The following TEKT5 variants were observed in gnomAD, a reference collection of about 807,000 sequenced individuals.
The protein encoded by TEKT5 is tektin-5.
TEKT5 carries 52 observed loss-of-function variants against 48.7 expected under a neutral mutation model. That is an observed-to-expected ratio of 1.07 (90% CI 0.86 to 1.35). The LOEUF (loss-of-function observed/expected upper bound fraction) is 1.35. Among genes scored for constraint, TEKT5 ranks in the 40% most tolerant of loss-of-function variants. The probability of loss-of-function intolerance (pLI) is 0.00; values close to 1 mark genes in which losing one functional copy is unlikely to be tolerated. For missense variants in TEKT5, 831 were observed against 641.6 expected (o/e 1.30, Z -3.19); for synonymous variants, 318 against 267.6 (o/e 1.19, Z -1.84).
chr16:10,679,177 A>T (rs1414104147), intron 4 of TEKT5, among the ~76,000 whole-genome samples: 1 of 152,118 alleles, frequency 6.6e-6, no homozygotes. Flanking sequence ...GCGCCCAAAA[A>T]ATGTTTATTA....
chr16:10,662,988 C>T (rs561664839), intron 5 of TEKT5, among the ~76,000 whole-genome samples: 14 of 152,282 alleles, frequency 9.2e-5, no homozygotes, highest in Non-Finnish European at 1.5e-4. Context: ...ATTATGATCA[C>T]CCACTCTCAC....
chr16:10,644,023 CAA>C (rs983440136), intron 5 of TEKT5, among the ~76,000 whole-genome samples: 1 of 152,168 alleles, frequency 6.6e-6, no homozygotes, highest in Non-Finnish European at 1.5e-5. Flanking sequence ...GACTGGGCAA[CAA>C]GAGCAAAACT....
intron 5 of TEKT5, among the ~76,000 whole-genome samples, chr16:10,660,550 A>C (rs1459832205): frequency 3.3e-5 from 5 of 151,890 alleles, no homozygotes; most frequent in Non-Finnish European, 7.4e-5. Flanking sequence ...GGAGACAGAG[A>C]CTGGCCAGGT....
At position 10,676,000 on chromosome 16, in the gene TEKT5, C is replaced by A; in HGVS notation, c.1045G>T (p.Val349Leu). ...NLAFNARISE[V>L]TDVKNKLQTQ... ...TGCAGCTTATTCTTCACATCCGTCA[C>A]CTCAGAGATGCGGGCGTTGAAGGCC... The change falls in exon 5 of 7, where the codon GTG (valine) becomes TTG (leucine). Residue 349 changes from valine (V) to leucine (L), a missense_variant. By Grantham distance (32) the Val-to-Leu change is conservative. Coordinates refer to ENST00000283025, the MANE Select transcript of TEKT5 (RefSeq NM_144674.2). 1 of 1,614,208 alleles carries A rather than the reference C, an allele frequency of 6.2e-7. No homozygotes were observed. The highest frequency in any genetic ancestry group is 8.5e-7 in the Non-Finnish European group (1 of 1,180,022).
At chr16:10,636,868 G>T (rs921728940) in intron 5 of TEKT5, among the ~76,000 whole-genome samples, 1 of 150,660 alleles carries the variant, frequency 6.6e-6, no homozygotes, top group East Asian at 1.9e-4. Context: ...CCAGGCTGGA[G>T]TGCAGTGCTG....
intron 5 of TEKT5, among the ~76,000 whole-genome samples, chr16:10,646,698 C>T (rs1320564698): frequency 6.6e-6 from 1 of 152,168 alleles, no homozygotes. Context: ...AAAAGGATGC[C>T]TGTTTCCTAC....
intron 5 of TEKT5, among the ~76,000 whole-genome samples, chr16:10,650,644 G>C (rs1898140697): frequency 6.6e-6 from 1 of 151,914 alleles, no homozygotes; most frequent in Admixed American, 6.6e-5. Context: ...AGCACTTTGG[G>C]ATGCCAAGGC....
intron 5 of TEKT5, among the ~76,000 whole-genome samples, chr16:10,651,351 T>A (rs998310254): frequency 6.6e-6 from 1 of 152,148 alleles, no homozygotes; most frequent in Admixed American, 6.5e-5. Context: ...TCTCTAGCCC[T>A]TATCCCTGGC....
At chr16:10,649,625 T>G (rs1035276816) in intron 5 of TEKT5, among the ~76,000 whole-genome samples, 3 of 150,174 alleles carry the variant, frequency 2.0e-5, no homozygotes, top group Non-Finnish European at 4.4e-5. Flanking sequence ...TTGTAGAGAC[T>G]GGGTCTCCCC....
chr16:10,663,534 G>C (rs1170232750), intron 5 of TEKT5, among the ~76,000 whole-genome samples: 3 of 152,194 alleles, frequency 2.0e-5, no homozygotes, highest in Non-Finnish European at 4.4e-5. Context: ...AGATTTTCAA[G>C]TTCAGCCAAA....
intron 6 of TEKT5, among the ~76,000 whole-genome samples, chr16:10,633,866 C>CA (rs1332473061): frequency 6.6e-6 from 1 of 152,126 alleles, no homozygotes; most frequent in Non-Finnish European, 1.5e-5. Context: ...CCTGCCCCTC[C>CA]ACCCCACCCC....
At chr16:10,679,369 A>G (rs1898704513) in intron 4 of TEKT5, among the ~76,000 whole-genome samples, 1 of 151,610 alleles carries the variant, frequency 6.6e-6, no homozygotes, top group Admixed American at 6.6e-5. Context: ...AGGCAGGAGA[A>G]TCACTTGAAC....
At chr16:10,681,406 T>G (rs1898747918) in intron 4 of TEKT5, among the ~76,000 whole-genome samples, 2 of 147,968 alleles carry the variant, frequency 1.4e-5, no homozygotes, top group African/African-American at 2.5e-5. Context: ...TCTCTCTCTC[T>G]CTCTGGCTGG....
In TEKT5 at chr16:10,681,672, C is replaced by G. The variant is rs148120286; in HGVS notation, c.863+321G>C. On this transcript the variant is annotated intron_variant, in intron 4 of 6. Transcript: ENST00000283025. Reference sequence around the variant, plus strand: ...TCACTAAGCCAATGCCATGCCCTCTCTTCCTGAAATTTGGATCTTGAATGG... The same window carrying G: ...TCACTAAGCCAATGCCATGCCCTCTGTTCCTGAAATTTGGATCTTGAATGG... 6.1e-3 allele frequency among the ~76,000 whole-genome samples: 921 copies of G among 151,540 alleles called. 14 individuals carry two copies. The highest frequency in any genetic ancestry group is 0.021 in the African/African-American group (887 of 41,286).
At chr16:10,658,841 C>T (rs1170812503) in intron 5 of TEKT5, among the ~76,000 whole-genome samples, 1 of 152,100 alleles carries the variant, frequency 6.6e-6, no homozygotes, top group Non-Finnish European at 1.5e-5. Context: ...CCTCAGTCCC[C>T]TGAGTACCTG....
intron 5 of TEKT5, among the ~76,000 whole-genome samples, chr16:10,661,178 G>A (rs1898364104): frequency 6.6e-6 from 1 of 152,192 alleles, no homozygotes; most frequent in Admixed American, 6.5e-5. Context: ...TACAAAAACA[G>A]GCGGAGGGGC....
intron 6 of TEKT5, among the ~76,000 whole-genome samples, chr16:10,631,815 C>A (rs921653555): frequency 6.6e-6 from 1 of 152,182 alleles, no homozygotes; most frequent in African/African-American, 2.4e-5. Flanking sequence ...TGGAAGGGAA[C>A]AGAGCCTCTC....
intron 5 of TEKT5, among the ~76,000 whole-genome samples, chr16:10,671,173 T>A (rs1898542860): frequency 6.6e-6 from 1 of 152,206 alleles, no homozygotes; most frequent in South Asian, 2.1e-4. Context: ...AGAGATTACC[T>A]CATTAATACA....
At chr16:10,629,535 G>A (rs1897806101) in intron 6 of TEKT5, among the ~76,000 whole-genome samples, 1 of 152,066 alleles carries the variant, frequency 6.6e-6, no homozygotes, top group Admixed American at 6.6e-5. Flanking sequence ...ACAGGCATGA[G>A]CCACCACGCC....
Sources: allele counts gnomAD v4.1 joint callset (sites outside exome capture counted in the v4.1 genomes callset), GRCh38; gene constraint gnomAD v4.1.1; transcripts MANE v1.5; gene names NCBI Gene and HGNC (gene_info 2026-07-23, HGNC 2026-07-21).